SARM1: variants seen among roughly 807,000 people sequenced by gnomAD.
SARM1 encodes the protein sterile alpha and TIR motif containing 1, also known as NAD(+) hydrolase SARM1.
Under a neutral mutation model 65.1 loss-of-function variants are expected in SARM1, and 60 were observed. The observed-to-expected ratio is 0.92, with a 90% CI of 0.75 to 1.14. The LOEUF (loss-of-function observed/expected upper bound fraction) is 1.14, where lower values mean the gene tolerates loss of function less well. SARM1 is among the 50% of genes most tolerant of loss of function. SARM1 has a pLI of 0.00. For missense variants in SARM1, 913 were observed against 1,015.7 expected (o/e 0.90, Z 1.37); for synonymous variants, 417 against 465.4 (o/e 0.90, Z 1.34).
chr17:28,384,293 G>C lies in SARM1; in HGVS notation c.1090-64G>C. ...TGAGAAGAGACAAGGAGAGGGACTG[G>C]GCACGTGTGGGAGCACCTGGAGAGC... is the stretch of plus-strand genomic sequence containing the variant. On this transcript the variant is annotated intron_variant, in intron 2 of 8. Transcript: ENST00000585482. The surrounding 1 kb of genome is among the most constrained non-coding windows in gnomAD (Gnocchi z 4.4). The C allele has an allele frequency of 1.5e-6, 2 of 1,343,484 alleles. No homozygotes were observed. Among genetic ancestry groups the C allele is most frequent in the Non-Finnish European group, 2.0e-6 (2 of 978,236 alleles). The allele number at this position is 1,343,484 out of a possible 1,614,324, so 83.2% of individuals were successfully genotyped here. A position where few individuals can be genotyped will look rare whatever the true frequency, so the allele number is the denominator to read the frequency against.
intron 1 of SARM1, among the ~76,000 whole-genome samples, chr17:28,379,471 C>T (rs573791441): frequency 8.6e-4 from 131 of 151,986 alleles, no homozygotes; most frequent in Admixed American, 5.2e-3. Context: ...CCACCACGCC[C>T]GGCTAATTTT....
rs562369897 is a variant in SARM1, at chr17:28,388,563, C to T, written c.1923+24C>T. Reference sequence around the variant, plus strand: ...AGGTAGGTGCCTGCCTATGCTTCTGCGGTCCCAGCATTGGCCTGTGGTCCA... The same window carrying T: ...AGGTAGGTGCCTGCCTATGCTTCTGTGGTCCCAGCATTGGCCTGTGGTCCA... On this transcript the variant is annotated intron_variant, in intron 7 of 8. Coordinates refer to ENST00000585482, the MANE Select transcript of SARM1 (RefSeq NM_015077.4). 8.9e-5 allele frequency: 142 copies of T among 1,604,422 alleles called. No individual in the cohort carries two copies. The South Asian group carries it at 1.4e-3, about 16-fold the overall frequency.
At chr17:28,379,500 C>G (rs1321196881) in intron 1 of SARM1, among the ~76,000 whole-genome samples, 3 of 151,850 alleles carry the variant, frequency 2.0e-5, no homozygotes, top group African/African-American at 7.3e-5. Context: ...TTAGTAGGGA[C>G]AGGGTTTCAC....
chr17:28,374,678 T>C (rs1456768810), intron 1 of SARM1, among the ~76,000 whole-genome samples: 2 of 152,078 alleles, frequency 1.3e-5, no homozygotes, highest in Non-Finnish European at 2.9e-5. Context: ...CTGCCTCATC[T>C]CAAAGAAGGC....
intron 7 of SARM1, among the ~76,000 whole-genome samples, chr17:28,394,274 G>C (rs2068096407): frequency 6.6e-6 from 1 of 152,234 alleles, no homozygotes; most frequent in Non-Finnish European, 1.5e-5. Flanking sequence ...GAAAGACCTG[G>C]TGGGGGCTTA....
At chr17:28,380,064 T>TC (rs57864727) in intron 1 of SARM1, among the ~76,000 whole-genome samples, 1 of 150,782 alleles carries the variant, frequency 6.6e-6, no homozygotes, top group East Asian at 1.9e-4. Context: ...TTTCTTTTTT[T>TC]TTTTTTTCTG....
intron 7 of SARM1, among the ~76,000 whole-genome samples, chr17:28,391,594 A>G (rs1418212344): frequency 1.8e-4 from 27 of 151,716 alleles, no homozygotes; most frequent in Admixed American, 1.6e-3. Context: ...GCCTTTTGAG[A>G]GAAAGAAAAG....
At chr17:28,394,017 G>A (rs1200169825) in intron 7 of SARM1, among the ~76,000 whole-genome samples, 1 of 152,220 alleles carries the variant, frequency 6.6e-6, no homozygotes, top group Non-Finnish European at 1.5e-5. Context: ...GAAGGACAAG[G>A]AAGCTTATTT....
rs781834636 is a variant in SARM1, at chr17:28,381,232, T to A, written c.500T>A (p.Val167Glu). The A allele has an allele frequency of 1.2e-6, 2 of 1,610,518 alleles. No individual in the cohort carries two copies. Among genetic ancestry groups the A allele is most frequent in the Admixed American group, 3.4e-5 (2 of 59,532 alleles). ...RDRVARIGLG[V>E]ILNLAKEREP... ...CGCGTGGCGCGCATTGGGCTGGGCG[T>A]GATCCTGAACCTGGCGAAGGAACGC... Residue 167 changes from valine to glutamate, a missense_variant, in exon 2 of 9, where the codon GTG becomes GAG. Transcript: ENST00000585482.
chr17:28,381,151 A>G, intron 1 of SARM1, 52 bp from the exon 2 acceptor site: 1 of 1,531,898 alleles, frequency 6.5e-7, no homozygotes, highest in Non-Finnish European at 8.8e-7. Flanking sequence ...GGGCAAGCCA[A>G]GCTCCCCAAG....
intron 7 of SARM1, among the ~76,000 whole-genome samples, chr17:28,393,936 T>G (rs1446124244): frequency 6.6e-6 from 1 of 152,126 alleles, no homozygotes; most frequent in Non-Finnish European, 1.5e-5. Context: ...GTCAGGGCAG[T>G]GGGAGACAAC....
At chr17:28,392,337 C>T (rs1555587017) in intron 7 of SARM1, among the ~76,000 whole-genome samples, 2 of 151,842 alleles carry the variant, frequency 1.3e-5, no homozygotes, top group East Asian at 1.9e-4. Context: ...AAGATGGTCT[C>T]GATCTCCTGA....
Position 28,384,217 on chromosome 17 carries a change from T to C in SARM1, c.1090-140T>C, listed in dbSNP as rs2068038110. The stretch of plus-strand genomic sequence containing the variant: ...AGGAGGGGGAATCCGCAGGACCCCA[T>C]GACTTAGTGGCTGAAGGTGGGGCCA... On this transcript the variant is annotated intron_variant, in intron 2 of 8. Transcript: ENST00000585482. The surrounding 1 kb of genome is among the most constrained non-coding windows in gnomAD (Gnocchi z 4.4). 2.5e-5 allele frequency: 16 copies of C among 635,992 alleles called. No homozygotes were observed. The highest frequency in any genetic ancestry group is 3.9e-5 in the Non-Finnish European group (15 of 379,962). 39.4% of individuals were successfully genotyped at this position (635,992 alleles called of 1,614,324 possible). A position where few individuals can be genotyped will look rare whatever the true frequency, so the allele number is the denominator to read the frequency against.
chr17:28,380,047 T>TTTTC (rs1555584995), intron 1 of SARM1, among the ~76,000 whole-genome samples: 3 of 129,350 alleles, frequency 2.3e-5, no homozygotes, highest in Non-Finnish European at 4.8e-5. Context: ...CTCATTGATT[T>TTTTC]TTTTCTTTTC....
At chr17:28,390,694 C>T (rs1357115784) in intron 7 of SARM1, among the ~76,000 whole-genome samples, 2 of 151,300 alleles carry the variant, frequency 1.3e-5, no homozygotes, top group African/African-American at 4.9e-5. Context: ...AAAAAAAAAT[C>T]AGAGTTTAGT....
intron 1 of SARM1, among the ~76,000 whole-genome samples, chr17:28,377,890 G>A (rs1025132172): frequency 3.3e-5 from 5 of 152,148 alleles, no homozygotes; most frequent in African/African-American, 9.7e-5. Flanking sequence ...TAGAGATGGG[G>A]TTTCACCATG....
chr17:28,402,429 C>A lies in SARM1; in HGVS notation c.*6143C>A. The A allele has an allele frequency of 1.2e-6, 1 of 866,896 alleles. No homozygotes were observed. The highest frequency in any genetic ancestry group is 1.8e-6 in the Non-Finnish European group (1 of 547,282). The allele number at this position is 866,896 out of a possible 1,614,324, so 53.7% of individuals were successfully genotyped here. On this transcript the variant is annotated 3_prime_UTR_variant, in exon 9 of 9. Transcript: ENST00000585482. The stretch of plus-strand genomic sequence containing the variant: ...ACCCCACGTGGGGCTTAGGTTAGAC[C>A]CAGGAAGAACTTCCTTGATGGTGAG...
intron 2 of SARM1, 31 bp downstream of exon 2, chr17:28,381,852 G>C: frequency 7.1e-7 from 1 of 1,407,550 alleles, no homozygotes; most frequent in Non-Finnish European, 9.2e-7. Context: ...GGGTGGATCA[G>C]GGGTTAGAGA....
Position 28,402,221 on chromosome 17 carries a change from T to A in SARM1, c.*5935T>A, listed in dbSNP as rs2068204344. 2.5e-6 allele frequency: 4 copies of A among 1,606,468 alleles called. No homozygotes were observed. The African/African-American group carries it at 5.3e-5, about 21-fold the overall frequency. ...CTGGACATGAGGAACCAGACACAGG[T>A]GGGTTCTGACACTCACCCTGCTCTG... On this transcript the variant is annotated 3_prime_UTR_variant, in exon 9 of 9. Transcript: ENST00000585482.
Sources: allele counts gnomAD v4.1 joint callset (sites outside exome capture counted in the v4.1 genomes callset), GRCh38; gene constraint gnomAD v4.1.1; non-coding constraint Gnocchi (gnomAD v3.1); transcripts MANE v1.5; gene names NCBI Gene and HGNC (gene_info 2026-07-23, HGNC 2026-07-21).